NCOA5: variants seen among roughly 807,000 people sequenced by gnomAD.
NCOA5 encodes the protein NCoA-5.
NCOA5 carries 12 observed loss-of-function variants against 59.0 expected under a neutral mutation model. The ratio of observed to expected loss-of-function variants is 0.20; its 90% CI spans 0.13 to 0.33. NCOA5 has a LOEUF of 0.33. NCOA5 is among the 10% of genes least tolerant of loss of function. The pLI is 1.00. For missense variants in NCOA5, 655 were observed against 766.6 expected (o/e 0.85, Z 1.72); for synonymous variants, 270 against 275.5 (o/e 0.98, Z 0.20).
chr20:46,079,686 T>C (rs1162459932), intron 1 of NCOA5, among the ~76,000 whole-genome samples: 1 of 152,224 alleles, frequency 6.6e-6, no homozygotes, highest in Non-Finnish European at 1.5e-5. Flanking sequence ...AACACGTAAT[T>C]TGTCTTAAAC....
chr20:46,080,599 G>T (rs2084982682), intron 1 of NCOA5, among the ~76,000 whole-genome samples: 1 of 152,128 alleles, frequency 6.6e-6, no homozygotes, highest in Non-Finnish European at 1.5e-5. Context: ...GTCTGGTAGA[G>T]ATTTTATGCT....
chr20:46,071,296 C>T (rs564133627), intron 2 of NCOA5, among the ~76,000 whole-genome samples: 10 of 152,274 alleles, frequency 6.6e-5, no homozygotes, highest in Middle Eastern at 6.8e-3. Context: ...AAACTTCTTA[C>T]CCCAACCCCA....
At chr20:46,087,894 G>A (rs1297916326) in intron 1 of NCOA5, among the ~76,000 whole-genome samples, 3 of 152,098 alleles carry the variant, frequency 2.0e-5, no homozygotes, top group Admixed American at 6.5e-5. Context: ...TTAGCCTTAC[G>A]TAAATTCTAC....
At chr20:46,084,294 T>C (rs2085024117) in intron 1 of NCOA5, among the ~76,000 whole-genome samples, 1 of 152,212 alleles carries the variant, frequency 6.6e-6, no homozygotes, top group Non-Finnish European at 1.5e-5. Flanking sequence ...TACACCAAAG[T>C]ACTTAAACAT....
chr20:46,064,942 TC>T (rs1433181250), intron 6 of NCOA5, 86 bp downstream of exon 6: 2 of 1,315,784 alleles, frequency 1.5e-6, no homozygotes, highest in Non-Finnish European at 2.2e-6. Flanking sequence ...GATATAAGAG[TC>T]ATTTGCCCAA....
intron 1 of NCOA5, among the ~76,000 whole-genome samples, chr20:46,087,801 T>C (rs886201993): frequency 6.6e-6 from 1 of 152,178 alleles, no homozygotes; most frequent in Non-Finnish European, 1.5e-5. Context: ...TCTCAAGCAC[T>C]GGTAGATGAG....
chr20:46,082,918 T>C (rs2085006743), intron 1 of NCOA5, among the ~76,000 whole-genome samples: 1 of 152,208 alleles, frequency 6.6e-6, no homozygotes, highest in Non-Finnish European at 1.5e-5. Context: ...TAGACTAATA[T>C]GCCAGACAGG....
rs1353129661 is a variant in NCOA5 at position 46,063,295 on chromosome 20, A to G, written c.1150+65T>C. ...GAGCCCTGGGCCTGACACCCTCCCA[A>G]CAGAGCCTGGGGATTAGAGAAATGC... On this transcript the variant is annotated intron_variant, in intron 7 of 7. Coordinates refer to ENST00000290231, the MANE Select transcript of NCOA5 (RefSeq NM_020967.3). 4 of 1,533,750 alleles carry G rather than the reference A, an allele frequency of 2.6e-6. No individual in the cohort carries two copies. The African/African-American group carries it at 4.1e-5, about 16-fold the overall frequency.
Position 46,063,651 on chromosome 20 carries a change from T to C in NCOA5, c.859A>G (p.Met287Val). ...EHRNMPQADA[M>V]VLVARNYERY... Reference sequence around the variant, plus strand: ...TCATAATTTCTGGCCACCAGCACCATGGCATCTGCTTGGGGCATGTTGCGA... The same window carrying C: ...TCATAATTTCTGGCCACCAGCACCACGGCATCTGCTTGGGGCATGTTGCGA... Residue 287 changes from methionine to valine, a missense_variant, in exon 7 of 8, where the codon ATG becomes GTG. Around this residue, in one of 3 missense-constraint regions of NCOA5, gnomAD observed 80 missense variants for 153.3 expected, o/e 0.52. Transcript: ENST00000290231. The C allele has an allele frequency of 1.2e-6, 2 of 1,614,076 alleles. No homozygotes were observed. The highest frequency in any genetic ancestry group is 1.7e-6 in the Non-Finnish European group (2 of 1,180,030).
At chr20:46,077,485 A>G (rs1479920860) in intron 2 of NCOA5, among the ~76,000 whole-genome samples, 1 of 152,218 alleles carries the variant, frequency 6.6e-6, no homozygotes, top group African/African-American at 2.4e-5. Context: ...TTCTCAATCC[A>G]TAACAGAAAC....
At chr20:46,077,910 G>C (rs1230195255) in intron 2 of NCOA5, among the ~76,000 whole-genome samples, 2 of 152,208 alleles carry the variant, frequency 1.3e-5, no homozygotes, top group Non-Finnish European at 2.9e-5. Context: ...ATACGGAACT[G>C]CTGAAGTTCT....
intron 3 of NCOA5, among the ~76,000 whole-genome samples, chr20:46,069,862 T>G (rs536698911): frequency 1.3e-5 from 2 of 152,352 alleles, no homozygotes; most frequent in East Asian, 3.9e-4. Flanking sequence ...GTTTTGAGTG[T>G]ATACTCAGGA....
At chr20:46,063,272 G>T in intron 7 of NCOA5, 88 bp downstream of exon 7, 1 of 1,388,724 alleles carries the variant, frequency 7.2e-7, no homozygotes, top group Non-Finnish European at 9.8e-7. Flanking sequence ...ACTCCAAAGA[G>T]CCCTGGGCCT....
chr20:46,062,498 A>G lies in NCOA5; in HGVS notation c.1542T>C (p.Ser514=). The G allele has an allele frequency of 6.2e-7, 1 of 1,614,122 alleles. No homozygotes were observed. Among genetic ancestry groups the G allele is most frequent in the African/African-American group, 1.3e-5 (1 of 75,030 alleles). ...TCATGTTGCTAGCAGGTGCCAGGCG[A>G]CTGGAAGGCTGGCCAAAAAGCCCTT... ...PSQGLFGQPS[S]RLAPASNMTS... Residue 514 remains serine (S), a synonymous_variant, in exon 8 of 8, where the codon AGT becomes AGC. Transcript: ENST00000290231.
At chr20:46,075,513 A>T (rs991783471) in intron 2 of NCOA5, among the ~76,000 whole-genome samples, 4 of 152,214 alleles carry the variant, frequency 2.6e-5, no homozygotes, top group Non-Finnish European at 5.9e-5. Context: ...TTCACCAAAG[A>T]GATACCAGGT....
At position 46,067,040 on chromosome 20, in the gene NCOA5, T is replaced by C. The variant is rs774853777; in HGVS notation, c.629+15A>G. On this transcript the variant is annotated intron_variant, in intron 5 of 7. Coordinates refer to ENST00000290231, the MANE Select transcript of NCOA5 (RefSeq NM_020967.3). ...CTCTTCTCCTTACTGGGGAGAAATA[T>C]CTAAGGGTTCTTACTTTGTCTGTTT... 1.9e-6 allele frequency: 3 copies of C among 1,612,320 alleles called. No homozygotes were observed. The highest frequency in any genetic ancestry group is 1.3e-5 in the African/African-American group (1 of 74,872).
At chr20:46,082,850 C>T (rs942271055) in intron 1 of NCOA5, among the ~76,000 whole-genome samples, 101 of 152,028 alleles carry the variant, frequency 6.6e-4, no homozygotes, top group South Asian at 2.1e-4. Context: ...TTATAAACTA[C>T]AAAAGGATGG....
Position 46,062,885 on chromosome 20 carries a change from C to T in NCOA5, c.1155G>A (p.Pro385=), listed in dbSNP as rs567162867. ...MRSSTDSLPG[P]ISRQPLGATS... ...TCGCCCCGAGTGGTTGGCGGGAAAT[C>T]GGGCCTGGAAGACAGAAGAGGGAGG... The change falls in exon 8 of 8, where the codon CCG becomes CCA. Residue 385 remains proline, a synonymous_variant. Coordinates refer to ENST00000290231, the MANE Select transcript of NCOA5 (RefSeq NM_020967.3). The T allele has an allele frequency of 2.8e-5, 42 of 1,514,714 alleles. 2 individuals carry two copies. In the Admixed American group the frequency reaches 3.4e-4, roughly 12 times the overall value. The allele number at this position is 1,514,714 out of a possible 1,614,324, so 93.8% of individuals were successfully genotyped here.
At chr20:46,077,429 A>G (rs2084949108) in intron 2 of NCOA5, among the ~76,000 whole-genome samples, 1 of 152,224 alleles carries the variant, frequency 6.6e-6, no homozygotes, top group African/African-American at 2.4e-5. Flanking sequence ...TAGAAATGTT[A>G]AAAGCATTTG....
Sources: allele counts gnomAD v4.1 joint callset (sites outside exome capture counted in the v4.1 genomes callset), GRCh38; gene constraint gnomAD v4.1.1; regional missense constraint gnomAD v4.1.1; transcripts MANE v1.5; gene names NCBI Gene and HGNC (gene_info 2026-07-23, HGNC 2026-07-21).